The following EEF1AKMT2 variants were observed in gnomAD, a reference collection of about 807,000 sequenced individuals.
EEF1AKMT2 encodes EEF1A lysine methyltransferase 2, also known as eukaryotic translation elongation factor 1 alpha lysine methyltransferase 2.
In EEF1AKMT2, 32 loss-of-function variants were observed where a neutral mutation model predicts 35.8. The ratio of observed to expected loss-of-function variants is 0.89; its 90% CI spans 0.67 to 1.20. The LOEUF is 1.20. Among genes scored for constraint, EEF1AKMT2 ranks in the 50% most tolerant of loss-of-function variants. The pLI is 0.00. For missense variants in EEF1AKMT2, 330 were observed against 347.5 expected (o/e 0.95, Z 0.40); for synonymous variants, 121 against 133.7 (o/e 0.91, Z 0.65).
chr10:124,774,817 T>TTA, intron 3 of EEF1AKMT2, 35 bp from the exon 4 acceptor site: 1 of 1,016,430 alleles, frequency 9.8e-7, no homozygotes, highest in Non-Finnish European at 1.4e-6. Flanking sequence ...TAGTATAAAA[T>TTA]TTTAATATAA....
At chr10:124,781,474 G>A (rs1950538788) in intron 3 of EEF1AKMT2, among the ~76,000 whole-genome samples, 1 of 151,584 alleles carries the variant, frequency 6.6e-6, no homozygotes, top group African/African-American at 2.4e-5. Context: ...AGCTACTCGG[G>A]AGGCTGAGGC....
downstream of EEF1AKMT2, among the ~76,000 whole-genome samples, chr10:124,756,444 T>C (rs529251646): frequency 6.6e-6 from 1 of 152,332 alleles, no homozygotes; most frequent in African/African-American, 2.4e-5. Context: ...TATTGATACA[T>C]TCATGTCTTA....
chr10:124,768,026 G>C (rs931225783), intron 4 of EEF1AKMT2, among the ~76,000 whole-genome samples: 2 of 152,100 alleles, frequency 1.3e-5, no homozygotes, highest in African/African-American at 4.8e-5. Context: ...TTTTCTCTAA[G>C]GTGTTATTTG....
At chr10:124,769,813 G>A (rs1439412497) in intron 4 of EEF1AKMT2, among the ~76,000 whole-genome samples, 1 of 151,652 alleles carries the variant, frequency 6.6e-6, no homozygotes, top group Non-Finnish European at 1.5e-5. Flanking sequence ...CGGGCATGGT[G>A]GCACATGCCT....
At chr10:124,774,829 G>T in intron 3 of EEF1AKMT2, 47 bp from the exon 4 acceptor site, 1 of 925,844 alleles carries the variant, frequency 1.1e-6, no homozygotes, top group Non-Finnish European at 1.5e-6. Context: ...TTAATATAAT[G>T]TTTTGTTTAT....
rs555388821 is a variant in EEF1AKMT2 at position 124,771,245 on chromosome 10, A to G, written c.399+3430T>C. On this transcript the variant is annotated intron_variant, in intron 4 of 6. Transcript: ENST00000368836. ...CTCCCAAGTAGCTGAGACTACAGGC[A>G]CCTGCCACCACACCTGGCTAATTCT... Among the ~76,000 whole-genome samples the G allele has an allele frequency of 2.2e-4, 34 of 151,920 alleles. No individual in the cohort carries two copies. The South Asian group carries it at 5.2e-3, about 23-fold the overall frequency.
rs1288287246 is a variant in EEF1AKMT2, at chr10:124,759,680, C to G, written c.*823G>C. ...GCTTCATTTTCCTTATACGTAGAAACAAGAACAAGCAATACATACCTCAAG... is the reference window on the plus strand; with the variant it reads ...GCTTCATTTTCCTTATACGTAGAAAGAAGAACAAGCAATACATACCTCAAG... On this transcript the variant is annotated 3_prime_UTR_variant, in exon 7 of 7. Transcript: ENST00000368836. 1 of 152,168 alleles carries G rather than the reference C, an allele frequency of 6.6e-6. No homozygotes were observed. Among genetic ancestry groups the G allele is most frequent in the Non-Finnish European group, 1.5e-5 (1 of 68,022 alleles). The allele number at this position is 152,168 out of a possible 1,614,324, so 9.4% of individuals were successfully genotyped here.
intron 4 of EEF1AKMT2, among the ~76,000 whole-genome samples, chr10:124,773,381 G>A (rs145790248): frequency 4.2e-4 from 64 of 151,956 alleles, no homozygotes; most frequent in Middle Eastern, 3.4e-3. Context: ...ACAGGTGCCC[G>A]CCACCACACC....
At chr10:124,777,857 G>A (rs757660547) in intron 3 of EEF1AKMT2, among the ~76,000 whole-genome samples, 1 of 151,846 alleles carries the variant, frequency 6.6e-6, no homozygotes, top group Non-Finnish European at 1.5e-5. Context: ...ACATAGAAAG[G>A]GTAAAAATAC....
At chr10:124,773,502 G>T (rs1042570423) in intron 4 of EEF1AKMT2, among the ~76,000 whole-genome samples, 1 of 152,104 alleles carries the variant, frequency 6.6e-6, no homozygotes, top group African/African-American at 2.4e-5. Context: ...TAAAGTGTTG[G>T]GATTACAGGC....
chr10:124,780,852 T>C (rs1177119749), intron 3 of EEF1AKMT2, among the ~76,000 whole-genome samples: 1 of 151,930 alleles, frequency 6.6e-6, no homozygotes, highest in Non-Finnish European at 1.5e-5. Flanking sequence ...AAAAAAATCT[T>C]AAAAGCATCT....
At chr10:124,779,674 G>A (rs1223783905) in intron 3 of EEF1AKMT2, among the ~76,000 whole-genome samples, 1 of 43,008 alleles carries the variant, frequency 2.3e-5, no homozygotes, top group African/African-American at 4.2e-5. Context: ...TGTGAACCTG[G>A]GAGGTGGAGC....
chr10:124,774,640 A>G (rs777723979), intron 4 of EEF1AKMT2, 35 bp downstream of exon 4: 4 of 1,097,838 alleles, frequency 3.6e-6, no homozygotes, highest in South Asian at 2.5e-5. Context: ...TTTAACCTCT[A>G]TTGTAAATAT....
chr10:124,772,273 AT>A (rs992906961), intron 4 of EEF1AKMT2, among the ~76,000 whole-genome samples: 7 of 151,956 alleles, frequency 4.6e-5, no homozygotes, highest in African/African-American at 1.5e-4. Context: ...ATATAAGGCT[AT>A]TTCATCTCCA....
At chr10:124,774,626 A>C in intron 4 of EEF1AKMT2, 49 bp downstream of exon 4, 1 of 979,638 alleles carries the variant, frequency 1.0e-6, no homozygotes, top group Non-Finnish European at 1.4e-6. Context: ...ATGCTCTAGA[A>C]ACATTTAACC....
chr10:124,784,430 T>C (rs922046274), intron 3 of EEF1AKMT2, among the ~76,000 whole-genome samples: 3 of 151,396 alleles, frequency 2.0e-5, no homozygotes, highest in South Asian at 4.2e-4. Context: ...TCAAGTGAGG[T>C]GTAGAACAAT....
chr10:124,785,246 C>CA (rs35915292), intron 3 of EEF1AKMT2, among the ~76,000 whole-genome samples: 1,451 of 61,140 alleles, frequency 0.024, 110 homozygotes, highest in African/African-American at 0.069. Flanking sequence ...GACTCCGTCT[C>CA]AAAAAAAAAA....
Position 124,757,856 on chromosome 10 carries a change from A to T in EEF1AKMT2, c.*2647T>A, listed in dbSNP as rs371072046. 1 of 152,198 alleles carries T rather than the reference A, an allele frequency of 6.6e-6. No homozygotes were observed. The highest frequency in any genetic ancestry group is 1.5e-5 in the Non-Finnish European group (1 of 68,012). 9.4% of individuals were successfully genotyped at this position (152,198 alleles called of 1,614,324 possible). A position where few individuals can be genotyped will look rare whatever the true frequency, so the allele number is the denominator to read the frequency against. ...TACTTATTTTTAAATGGCTTTAGTCAGGCTGCCAAGAGTGATATCAGGTTT... is the reference window on the plus strand; with the variant it reads ...TACTTATTTTTAAATGGCTTTAGTCTGGCTGCCAAGAGTGATATCAGGTTT... On this transcript the variant is annotated 3_prime_UTR_variant, in exon 7 of 7. Transcript: ENST00000368836.
At chr10:124,782,927 G>T (rs535774897) in intron 3 of EEF1AKMT2, 147 of 416,416 alleles carry the variant, frequency 3.5e-4, no homozygotes, top group African/African-American at 3.0e-3. Flanking sequence ...TTAAAGGTTA[G>T]AGATTGTTAG....
Sources: allele counts gnomAD v4.1 joint callset (sites outside exome capture counted in the v4.1 genomes callset), GRCh38; gene constraint gnomAD v4.1.1; transcripts MANE v1.5; gene names NCBI Gene and HGNC (gene_info 2026-07-23, HGNC 2026-07-21).